Variants in CDH18 observed in about 807,000 individuals in gnomAD.
CDH18 encodes the protein cadherin 18.
A neutral mutation model predicts 67.9 loss-of-function variants in CDH18; 31 were observed. The ratio of observed to expected loss-of-function variants is 0.46; its 90% CI spans 0.34 to 0.62. The LOEUF is 0.62. CDH18 is among the 20% of genes least tolerant of loss of function. The pLI is 0.01. For synonymous variants in CDH18, 362 were observed against 347.2 expected (o/e 1.04, Z -0.48); for missense variants, 890 against 975.5 (o/e 0.91, Z 1.17).
At chr5:20,157,121 T>C (rs754904937) in intron 2 of CDH18, among the ~76,000 whole-genome samples, 49 of 152,262 alleles carry the variant, frequency 3.2e-4, no homozygotes, top group Admixed American at 6.5e-4. Flanking sequence ...CACAGAAAGA[T>C]GGTATGAGAT....
chr5:19,760,258 G>C (rs1233017880), intron 3 of CDH18, among the ~76,000 whole-genome samples: 1 of 152,084 alleles, frequency 6.6e-6, no homozygotes, highest in Non-Finnish European at 1.5e-5. Context: ...CAATTGCAGG[G>C]CTCTTTAAAG....
chr5:20,041,354 G>A (rs917581969), intron 2 of CDH18, among the ~76,000 whole-genome samples: 1 of 152,126 alleles, frequency 6.6e-6, no homozygotes, highest in African/African-American at 2.4e-5. Flanking sequence ...ATCTAAGAAT[G>A]AGAACTTGAT....
At chr5:20,186,093 T>C (rs35889970) in intron 2 of CDH18, among the ~76,000 whole-genome samples, 107,926 of 151,786 alleles carry the variant, frequency 0.71, 39,375 homozygotes, top group African/African-American at 0.89. Context: ...ACTGAATATA[T>C]GCAAGCAAAT....
chr5:19,854,377 T>C (rs768552316), intron 2 of CDH18, among the ~76,000 whole-genome samples: 31 of 152,186 alleles, frequency 2.0e-4, no homozygotes, highest in Non-Finnish European at 4.3e-4. Context: ...TCAAACTTTA[T>C]ATTTGATGAC....
chr5:20,356,749 C>CTATATATATATATA (rs1287623869), intron 1 of CDH18, among the ~76,000 whole-genome samples: 5 of 129,178 alleles, frequency 3.9e-5, no homozygotes, highest in African/African-American at 1.6e-4. Flanking sequence ...CTCTCTCTCT[C>CTATATATATATATA]TCTCTATATA....
At chr5:20,458,272 T>C (rs950494627) in intron 1 of CDH18, among the ~76,000 whole-genome samples, 8 of 152,064 alleles carry the variant, frequency 5.3e-5, no homozygotes, top group African/African-American at 1.4e-4. Context: ...TTTGTTTGTT[T>C]TGTAATAAGA....
At chr5:19,621,383 T>C (rs1750671597) in intron 5 of CDH18, among the ~76,000 whole-genome samples, 1 of 152,102 alleles carries the variant, frequency 6.6e-6, no homozygotes, top group Non-Finnish European at 1.5e-5. Flanking sequence ...TCCTAGCTAG[T>C]ATGAGGTGAT....
chr5:19,668,154 C>T (rs967680381), intron 5 of CDH18, among the ~76,000 whole-genome samples: 3 of 151,938 alleles, frequency 2.0e-5, no homozygotes, highest in African/African-American at 7.2e-5. Flanking sequence ...ATTGCTTGGG[C>T]AGTTACAAAT....
intron 3 of CDH18, among the ~76,000 whole-genome samples, chr5:19,785,481 C>T (rs535904060): frequency 3.5e-4 from 53 of 149,688 alleles, no homozygotes; most frequent in African/African-American, 1.2e-3. Flanking sequence ...GGAGAAACCC[C>T]GTCTCTACTA....
chr5:19,535,142 A>G (rs1002653303), intron 9 of CDH18, among the ~76,000 whole-genome samples: 4 of 152,200 alleles, frequency 2.6e-5, no homozygotes, highest in African/African-American at 9.6e-5. Context: ...GAAACTGGGT[A>G]ACACACTATT....
chr5:20,527,083 G>A (rs1397714164), intron 1 of CDH18, among the ~76,000 whole-genome samples: 1 of 152,110 alleles, frequency 6.6e-6, no homozygotes, highest in Non-Finnish European at 1.5e-5. Flanking sequence ...TGATAGAGCT[G>A]AGAAACAGAG....
intron 1 of CDH18, among the ~76,000 whole-genome samples, chr5:20,452,796 T>C (rs35869175): frequency 0.19 from 29,388 of 151,934 alleles, 3,763 homozygotes; most frequent in East Asian, 0.39. Flanking sequence ...TAGTAAAATA[T>C]CTAGTAACTT....
intron 5 of CDH18, among the ~76,000 whole-genome samples, chr5:19,654,889 T>C (rs949195630): frequency 1.3e-5 from 2 of 152,166 alleles, no homozygotes; most frequent in Non-Finnish European, 2.9e-5. Flanking sequence ...CATCCCCTGC[T>C]GAATTACTCT....
At chr5:20,389,726 G>C (rs1261993724) in intron 1 of CDH18, among the ~76,000 whole-genome samples, 4 of 152,200 alleles carry the variant, frequency 2.6e-5, no homozygotes, top group East Asian at 3.9e-4. Context: ...CACGCTACCT[G>C]ACTTCAAACT....
chr5:20,275,667 A>G (rs933242376), intron 1 of CDH18, among the ~76,000 whole-genome samples: 14 of 152,062 alleles, frequency 9.2e-5, no homozygotes, highest in Non-Finnish European at 1.3e-4. Context: ...TCACTGATTA[A>G]CCTCCCTGGA....
chr5:20,482,331 G>T (rs534539616), intron 1 of CDH18, among the ~76,000 whole-genome samples: 3 of 152,094 alleles, frequency 2.0e-5, no homozygotes, highest in African/African-American at 7.2e-5. Context: ...GGAACCAATG[G>T]CTTCATTGCT....
chr5:19,660,941 C>T (rs1264520294), intron 5 of CDH18, among the ~76,000 whole-genome samples: 1 of 149,238 alleles, frequency 6.7e-6, no homozygotes. Context: ...ATTTGTTAAG[C>T]AACAATAGAA....
At chr5:19,568,768 G>T (rs1181313566) in intron 8 of CDH18, among the ~76,000 whole-genome samples, 1 of 152,122 alleles carries the variant, frequency 6.6e-6, no homozygotes, top group African/African-American at 2.4e-5. Flanking sequence ...CCAGCCTCTA[G>T]AACTGTGAGA....
At chr5:20,006,149 C>T (rs556182886) in intron 2 of CDH18, among the ~76,000 whole-genome samples, 4 of 151,710 alleles carry the variant, frequency 2.6e-5, no homozygotes, top group African/African-American at 4.8e-5. Flanking sequence ...GTTAAAAGTA[C>T]GGCATCAACA....
Sources: gnomAD v4.1 joint callset for allele counts (sites outside exome capture counted in the v4.1 genomes callset) on GRCh38, gnomAD v4.1.1 for gene constraint, MANE v1.5 for transcripts, NCBI Gene and HGNC (gene_info 2026-07-23, HGNC 2026-07-21) for gene names.